Variants in HYDIN observed in about 807,000 individuals in gnomAD.
HYDIN encodes axonemal central pair apparatus protein HYDIN.
A neutral mutation model predicts 403.9 loss-of-function variants in HYDIN; 132 were observed. The observed-to-expected ratio is 0.33, with a 90% CI of 0.28 to 0.38. HYDIN has a LOEUF of 0.38. Among genes scored for constraint, HYDIN ranks in the 10% least tolerant of loss-of-function variants. The probability of loss-of-function intolerance (pLI) is 1.00; values close to 1 mark genes in which losing one functional copy is unlikely to be tolerated. For synonymous variants in HYDIN, 1,202 were observed against 1,891.7 expected (o/e 0.64, Z 9.46); for missense variants, 2,827 against 5,009.5 (o/e 0.56, Z 13.15).
At chr16:70,921,371 T>C (rs899902645) in intron 45 of HYDIN, among the ~76,000 whole-genome samples, 154 bp from the exon 46 acceptor site, 1 of 152,218 alleles carries the variant, frequency 6.6e-6, no homozygotes, top group Admixed American at 6.5e-5. Context: ...GGGAATCATC[T>C]TGGGGGTTTT....
rs1035941803 is a variant in HYDIN at position 70,837,692 on chromosome 16, T to A, written c.13240A>T (p.Lys4414Ter). Residue 4414 changes from lysine to a stop codon, truncating the protein, a stop_gained and splice_region_variant, in exon 77 of 86, where the codon AAG (lysine) becomes TAG (stop). Coordinates refer to ENST00000393567, the MANE Select transcript of HYDIN (RefSeq NM_001270974.2). LOFTEE classifies it high-confidence loss of function. The stretch of plus-strand genomic sequence containing the variant: ...AAGGCCTCCCGACTGTCTGTTACCT[T>A]CATTTTGGTACCCTTCCCTTTGATT... The part of the protein sequence containing the change: ...VEIKGKGTKM[K>*]ILVLDPANRI... 6.2e-7 allele frequency: 1 copy of A among 1,613,756 alleles called. No homozygotes were observed. Among genetic ancestry groups the A allele is most frequent in the African/African-American group, 1.3e-5 (1 of 74,904 alleles).
intron 19 of HYDIN, among the ~76,000 whole-genome samples, chr16:71,031,029 T>C (rs1417959879): frequency 6.7e-6 from 1 of 150,120 alleles, no homozygotes; most frequent in Non-Finnish European, 1.5e-5. Flanking sequence ...TGAAACCCCG[T>C]CTCTACTAAA....
At chr16:71,206,019 G>C (rs2088278476) in intron 1 of HYDIN, among the ~76,000 whole-genome samples, 1 of 152,188 alleles carries the variant, frequency 6.6e-6, no homozygotes, top group African/African-American at 2.4e-5. Flanking sequence ...AATTTGCTGA[G>C]AGGTGCAGCC....
At chr16:71,010,301 C>G (rs189907477) in intron 23 of HYDIN, among the ~76,000 whole-genome samples, 4 of 152,140 alleles carry the variant, frequency 2.6e-5, no homozygotes, top group Non-Finnish European at 5.9e-5. Context: ...GAGCTCACAG[C>G]GTTCTGAGAG....
Position 70,905,605 on chromosome 16 carries a change from C to T in HYDIN, c.8517-1541G>A, listed in dbSNP as rs749974386. Among the ~76,000 whole-genome samples, 367 of 133,602 alleles carry T rather than the reference C, an allele frequency of 2.7e-3. 1 individual carries two copies. The highest frequency in any genetic ancestry group is 8.6e-3 in the Admixed American group (110 of 12,792). 87.6% of individuals were successfully genotyped at this position (133,602 alleles called of 152,430 possible). On this transcript the variant is annotated intron_variant, in intron 50 of 85. Transcript: ENST00000393567. The stretch of plus-strand genomic sequence containing the variant: ...CTGAGATTGCACCACTGCATTCCAG[C>T]CTGGGTGACGGAGTAAGACCCTATC...
intron 1 of HYDIN, among the ~76,000 whole-genome samples, chr16:71,221,768 A>G (rs960353723): frequency 6.6e-6 from 1 of 152,254 alleles, no homozygotes; most frequent in South Asian, 2.1e-4. Context: ...TTAGAGAGGT[A>G]TAGAAGAAAT....
intron 43 of HYDIN, among the ~76,000 whole-genome samples, chr16:70,940,665 G>A (rs1230523130): frequency 6.6e-6 from 1 of 152,220 alleles, no homozygotes; most frequent in Non-Finnish European, 1.5e-5. Context: ...GCTGGAGGCT[G>A]GATGACTGCT....
intron 44 of HYDIN, among the ~76,000 whole-genome samples, chr16:70,937,758 G>C (rs935016745): frequency 6.7e-6 from 1 of 149,148 alleles, no homozygotes. Flanking sequence ...TGTGGAGCTG[G>C]AGGAGAGAAC....
chr16:71,012,332 G>A (rs767023155), intron 23 of HYDIN, among the ~76,000 whole-genome samples: 1 of 152,262 alleles, frequency 6.6e-6, no homozygotes, highest in African/African-American at 2.4e-5. Flanking sequence ...AGATGTGGGA[G>A]GGGGAGAGAC....
intron 40 of HYDIN, among the ~76,000 whole-genome samples, chr16:70,954,564 C>T (rs1349606511): frequency 2.0e-5 from 3 of 151,920 alleles, no homozygotes; most frequent in Non-Finnish European, 4.4e-5. Context: ...TGTTCCCTAT[C>T]TAGGTACATG....
At chr16:71,012,713 C>T (rs1305063965) in intron 23 of HYDIN, among the ~76,000 whole-genome samples, 2 of 152,176 alleles carry the variant, frequency 1.3e-5, no homozygotes, top group African/African-American at 4.8e-5. Context: ...AACTGTAAGG[C>T]TTAGAAGAAT....
At chr16:71,056,487 G>C (rs2081898992) in intron 18 of HYDIN, among the ~76,000 whole-genome samples, 2 of 151,948 alleles carry the variant, frequency 1.3e-5, no homozygotes, top group Non-Finnish European at 2.9e-5. Context: ...TATCACTATG[G>C]AGGTAGGCTT....
At chr16:71,172,329 T>C (rs1288514471) in intron 5 of HYDIN, among the ~76,000 whole-genome samples, 2 of 152,208 alleles carry the variant, frequency 1.3e-5, no homozygotes, top group East Asian at 3.9e-4. Flanking sequence ...AAGTACTTTG[T>C]TTTGCTTTCC....
At chr16:71,070,859 C>A (rs1326735799) in intron 13 of HYDIN, among the ~76,000 whole-genome samples, 2 of 134,916 alleles carry the variant, frequency 1.5e-5, no homozygotes, top group Non-Finnish European at 3.1e-5. Context: ...CATGTCTCAG[C>A]TTTTGTCTAC....
rs2081003191 is a variant in HYDIN, at chr16:71,033,996, A to AG, written c.2530-2080dup. Among the ~76,000 whole-genome samples, 3 of 152,162 alleles carry AG rather than the reference A, an allele frequency of 2.0e-5. No homozygotes were observed. In the South Asian group the frequency reaches 6.2e-4, roughly 32 times the overall value. ...AGATGCTTCCAGGATAATAACGGAG[A>AG]GGAAAAGCCACACTCTCCAGTTCAT... On this transcript the variant is annotated intron_variant, in intron 18 of 85. Transcript: ENST00000393567.
chr16:71,227,985 G>A (rs1275768385), intron 1 of HYDIN, among the ~76,000 whole-genome samples: 17 of 151,892 alleles, frequency 1.1e-4, no homozygotes, highest in East Asian at 3.9e-4. Flanking sequence ...GGAACAGAAC[G>A]GAGCCCTCAG....
intron 36 of HYDIN, among the ~76,000 whole-genome samples, chr16:70,967,421 C>G (rs2078610167): frequency 6.6e-6 from 1 of 151,822 alleles, no homozygotes; most frequent in Admixed American, 6.6e-5. Flanking sequence ...ACTGAACTCC[C>G]ACCTCAGCCC....
chr16:70,989,882 A>G (rs1567957291), intron 25 of HYDIN, among the ~76,000 whole-genome samples: 1 of 152,218 alleles, frequency 6.6e-6, no homozygotes, highest in Non-Finnish European at 1.5e-5. Context: ...AACAGAAAAA[A>G]AATTCCTGCC....
intron 3 of HYDIN, 69 bp downstream of exon 3, chr16:71,184,796 T>C: frequency 7.3e-7 from 1 of 1,373,764 alleles, no homozygotes; most frequent in Non-Finnish European, 9.9e-7. Context: ...CAAATTTTAC[T>C]TATTGTTCTG....
Sources: allele counts gnomAD v4.1 joint callset (sites outside exome capture counted in the v4.1 genomes callset), GRCh38; gene constraint gnomAD v4.1.1; transcripts MANE v1.5; gene names NCBI Gene and HGNC (gene_info 2026-07-23, HGNC 2026-07-21).